The following LRP2 variants were observed in gnomAD, a reference collection of about 807,000 sequenced individuals.
LRP2 encodes the protein LDL receptor related protein 2.
LRP2 carries 172 observed loss-of-function variants against 531.0 expected under a neutral mutation model. The observed-to-expected ratio is 0.32, with a 90% CI of 0.29 to 0.37. LRP2 has a LOEUF of 0.37. LRP2 is among the 10% of genes least tolerant of loss of function. The pLI is 1.00. For missense variants in LRP2, 5,167 were observed against 5,868.3 expected, an observed-to-expected ratio of 0.88 and a Z score of 3.90; for synonymous variants, 1,992 against 2,027.6, an observed-to-expected ratio of 0.98 and a Z score of 0.47.
intron 37 of LRP2, 69 bp from the exon 38 acceptor site, chr2:169,209,710 CCT>C: frequency 1.4e-6 from 2 of 1,401,478 alleles, no homozygotes; most frequent in Non-Finnish European, 1.0e-6. Flanking sequence ...GTCTGCCCTT[CCT>C]CTCAAACCCT....
At chr2:169,163,716 G>GAA (rs201796340) in intron 62 of LRP2, among the ~76,000 whole-genome samples, 6 of 147,670 alleles carry the variant, frequency 4.1e-5, no homozygotes, top group Non-Finnish European at 9.0e-5. Context: ...TTGAGACTTG[G>GAA]AAAAAAAAAC....
At chr2:169,323,053 T>C (rs830976) in intron 1 of LRP2, among the ~76,000 whole-genome samples, 63,964 of 151,908 alleles carry the variant, frequency 0.42, 14,355 homozygotes, top group African/African-American at 0.59. Flanking sequence ...AAATAGAGAC[T>C]CAAAAGTCAT....
chr2:169,300,018 A>G (rs1444572518), intron 4 of LRP2, among the ~76,000 whole-genome samples: 1 of 152,176 alleles, frequency 6.6e-6, no homozygotes, highest in Non-Finnish European at 1.5e-5. Flanking sequence ...CTCAACATGT[A>G]TTTATTGAAA....
At chr2:169,150,389 C>T (rs1372914882) in intron 68 of LRP2, among the ~76,000 whole-genome samples, 2 of 152,088 alleles carry the variant, frequency 1.3e-5, no homozygotes, top group African/African-American at 2.4e-5. Context: ...TTCTCATTTA[C>T]ACTGAGATGA....
At chr2:169,209,946 C>T (rs1329009022) in intron 37 of LRP2, among the ~76,000 whole-genome samples, 3 of 151,906 alleles carry the variant, frequency 2.0e-5, no homozygotes, top group South Asian at 2.1e-4. Flanking sequence ...ATATACAGGT[C>T]GCCACTTGAA....
At chr2:169,275,302 G>T in intron 13 of LRP2, 64 bp from the exon 14 acceptor site, 1 of 1,279,612 alleles carries the variant, frequency 7.8e-7, no homozygotes, top group Non-Finnish European at 1.1e-6. Flanking sequence ...AATTAAAGCT[G>T]TAGTTAGTTC....
chr2:169,201,829 C>G lies in LRP2; in HGVS notation c.8251G>C (p.Gly2751Arg). 6.2e-7 allele frequency: 1 copy of G among 1,614,174 alleles called. No individual in the cohort carries two copies. The highest frequency in any genetic ancestry group is 1.6e-4 in the Middle Eastern group (1 of 6,062). ...CSPTAFTCAN[G>R]RCVQYSYRCD... ...CGGTAAGAGTATTGGACACATCGCC[C>G]ATTGGCACAGGTGAAGGCTGTCGGT... is the stretch of plus-strand genomic sequence containing the variant. The change falls in exon 44 of 79, where the codon GGG (glycine) becomes CGG (arginine). Residue 2751 changes from glycine (G) to arginine (R), a missense_variant. By Grantham distance (125) the Gly-to-Arg change is moderately radical (BLOSUM62 -2). Transcript: ENST00000649046.
intron 1 of LRP2, among the ~76,000 whole-genome samples, chr2:169,348,572 T>C (rs1685757850): frequency 1.3e-5 from 2 of 152,234 alleles, no homozygotes; most frequent in Admixed American, 1.3e-4. Context: ...GACAGCTTTC[T>C]TTTGTGTTCT....
At chr2:169,198,704 A>G in intron 45 of LRP2, 82 bp downstream of exon 45, 1 of 1,536,634 alleles carries the variant, frequency 6.5e-7, no homozygotes, top group Non-Finnish European at 8.9e-7. Context: ...ATCAGCCCGA[A>G]TACCCACGCT....
At chr2:169,307,132 CT>C (rs1313655295) in intron 4 of LRP2, 148 bp downstream of exon 4, 6 of 700,658 alleles carry the variant, frequency 8.6e-6, no homozygotes, top group African/African-American at 1.7e-5. Flanking sequence ...AACATCACCC[CT>C]AATCCACAAA....
chr2:169,297,912 A>T (rs1363794850), intron 4 of LRP2, among the ~76,000 whole-genome samples: 1 of 152,034 alleles, frequency 6.6e-6, no homozygotes, highest in Non-Finnish European at 1.5e-5. Flanking sequence ...CATAGAAAAA[A>T]CCATTATTAT....
chr2:169,181,370 C>T, intron 52 of LRP2, 78 bp downstream of exon 52: 1 of 1,424,126 alleles, frequency 7.0e-7, no homozygotes, highest in South Asian at 1.2e-5. Flanking sequence ...ATAGAGGGGA[C>T]TAATAGACTG....
At chr2:169,233,974 T>C (rs62172638) in intron 29 of LRP2, among the ~76,000 whole-genome samples, 5,676 of 152,224 alleles carry the variant, frequency 0.037, 151 homozygotes, top group South Asian at 0.099. Context: ...GCCCCAGCCT[T>C]CACTCCACCA....
chr2:169,328,169 G>A (rs1266672928), intron 1 of LRP2, among the ~76,000 whole-genome samples: 2 of 110,046 alleles, frequency 1.8e-5, no homozygotes, highest in South Asian at 3.5e-4. Context: ...CGGGCCAGCC[G>A]CCCCGTCCGG....
chr2:169,244,278 T>G (rs747738734), intron 22 of LRP2, among the ~76,000 whole-genome samples: 1 of 152,246 alleles, frequency 6.6e-6, no homozygotes, highest in Non-Finnish European at 1.5e-5. Context: ...ATTTAAATTT[T>G]CTGTGCCTCT....
chr2:169,158,741 T>C (rs530941256), intron 63 of LRP2, among the ~76,000 whole-genome samples: 13 of 151,464 alleles, frequency 8.6e-5, no homozygotes, highest in Non-Finnish European at 1.5e-4. Flanking sequence ...CATATACATA[T>C]GCAAAAAAAA....
chr2:169,359,284 G>C (rs1045302116), intron 1 of LRP2, among the ~76,000 whole-genome samples: 19 of 152,130 alleles, frequency 1.2e-4, no homozygotes, highest in African/African-American at 4.6e-4. Flanking sequence ...GCTAGAAAGT[G>C]GTAAAGCCAA....
Position 169,357,481 on chromosome 2 carries a change from G to A in LRP2, c.79+4840C>T, listed in dbSNP as rs978008616. Reference sequence around the variant, plus strand: ...CGAGTAGCTGGGATTACAGGTGTGCGTCACCACGCCCAGCTAATTTTTGTG... The same window carrying A: ...CGAGTAGCTGGGATTACAGGTGTGCATCACCACGCCCAGCTAATTTTTGTG... On this transcript the variant is annotated intron_variant, in intron 1 of 78. Transcript: ENST00000649046. Among the ~76,000 whole-genome samples the A allele has an allele frequency of 1.1e-4, 16 of 151,966 alleles. 1 individual carries two copies. The South Asian group carries it at 2.1e-3, about 20-fold the overall frequency.
chr2:169,150,107 CATTGCTGA>C (rs1686068438), intron 68 of LRP2, among the ~76,000 whole-genome samples: 2 of 152,244 alleles, frequency 1.3e-5, no homozygotes, highest in South Asian at 4.1e-4. Context: ...TTTCATATTT[CATTGCTGA>C]GTTTCTGAGG....
Sources: allele counts gnomAD v4.1 joint callset (sites outside exome capture counted in the v4.1 genomes callset), GRCh38; gene constraint gnomAD v4.1.1; transcripts MANE v1.5; gene names NCBI Gene and HGNC (gene_info 2026-07-23, HGNC 2026-07-21).